Variants in RPS6KC1 observed in about 807,000 individuals in gnomAD.
RPS6KC1 encodes the protein inactive ribosomal protein S6 kinase delta-1.
RPS6KC1 carries 54 observed loss-of-function variants against 103.8 expected under a neutral mutation model. That is an observed-to-expected ratio of 0.52 (90% CI 0.42 to 0.65). The LOEUF is 0.65. RPS6KC1 is among the 30% of genes least tolerant of loss of function. The probability of loss-of-function intolerance (pLI) is 0.00; values close to 1 mark genes in which losing one functional copy is unlikely to be tolerated. For synonymous variants in RPS6KC1, 439 were observed against 438.7 expected (o/e 1.00, Z -0.01); for missense variants, 1,151 against 1,253.8 (o/e 0.92, Z 1.24).
chr1:213,275,989 G>A (rs1266424699), downstream of RPS6KC1, among the ~76,000 whole-genome samples: 1 of 152,158 alleles, frequency 6.6e-6, no homozygotes, highest in Non-Finnish European at 1.5e-5. Context: ...TACCTATTGT[G>A]TTTTGACCTT....
intron 1 of RPS6KC1, among the ~76,000 whole-genome samples, chr1:213,052,780 G>T (rs2077055877): frequency 6.6e-6 from 1 of 152,086 alleles, no homozygotes; most frequent in African/African-American, 2.4e-5. Context: ...GACCTCAGTT[G>T]ATCCGCCTGC....
the RPS6KC1 span, among the ~76,000 whole-genome samples, chr1:213,825,160 G>A: frequency 5.8e-4 from 89 of 152,294 alleles, no homozygotes; most frequent in Admixed American, 1.3e-3. Flanking sequence ...GCTCTGAAGC[G>A]TCAATTAATA....
At chr1:213,285,779 G>T in the RPS6KC1 span, among the ~76,000 whole-genome samples, 1 of 152,030 alleles carries the variant, frequency 6.6e-6, no homozygotes, top group African/African-American at 2.4e-5. Context: ...TGGGGCTTTG[G>T]GGGAAGTAAT....
At chr1:213,686,374 C>T in the RPS6KC1 span, among the ~76,000 whole-genome samples, 1 of 152,122 alleles carries the variant, frequency 6.6e-6, no homozygotes, top group Admixed American at 6.5e-5. Context: ...CTCCTGGTAG[C>T]CTTGCCCTCT....
At chr1:213,135,202 T>C (rs1374181373) in intron 6 of RPS6KC1, among the ~76,000 whole-genome samples, 5 of 152,196 alleles carry the variant, frequency 3.3e-5, no homozygotes, top group African/African-American at 7.2e-5. Context: ...TTCTTTGTTC[T>C]ATTAATGTGG....
At chr1:213,462,736 A>ACC in the RPS6KC1 span, among the ~76,000 whole-genome samples, 1 of 152,224 alleles carries the variant, frequency 6.6e-6, no homozygotes, top group East Asian at 1.9e-4. Flanking sequence ...TACACCACAC[A>ACC]CTGGGGCCTG....
At chr1:213,727,521 A>C in the RPS6KC1 span, among the ~76,000 whole-genome samples, 5 of 152,192 alleles carry the variant, frequency 3.3e-5, no homozygotes, top group Non-Finnish European at 7.3e-5. Context: ...AATAATAAGA[A>C]GTGCTTCTAG....
At chr1:213,103,873 T>C (rs1572543876) in intron 3 of RPS6KC1, among the ~76,000 whole-genome samples, 1 of 152,228 alleles carries the variant, frequency 6.6e-6, no homozygotes, top group Non-Finnish European at 1.5e-5. Flanking sequence ...TTGATCACCT[T>C]GTAAAGCAGA....
the RPS6KC1 span, among the ~76,000 whole-genome samples, chr1:213,395,545 G>A: frequency 6.6e-6 from 1 of 152,136 alleles, no homozygotes; most frequent in Non-Finnish European, 1.5e-5. Context: ...CAGTGAGCTG[G>A]GAGCAAGAGT....
the RPS6KC1 span, among the ~76,000 whole-genome samples, chr1:213,615,125 A>C: frequency 6.6e-6 from 1 of 152,216 alleles, no homozygotes; most frequent in Non-Finnish European, 1.5e-5. Flanking sequence ...AACAATTGCT[A>C]TTTGTGACCT....
chr1:213,068,266 A>G (rs1459275065), intron 1 of RPS6KC1, among the ~76,000 whole-genome samples: 1 of 151,904 alleles, frequency 6.6e-6, no homozygotes, highest in South Asian at 2.1e-4. Context: ...CGGGCAGATC[A>G]CGAGGTCAAG....
At chr1:213,068,871 A>ATG (rs528374829) in intron 1 of RPS6KC1, among the ~76,000 whole-genome samples, 9 of 93,788 alleles carry the variant, frequency 9.6e-5, no homozygotes, top group Admixed American at 7.0e-4. Flanking sequence ...AAAAGTGTAT[A>ATG]TATGTGTGTG....
rs1005012284 is a variant in RPS6KC1 at position 213,259,525 on chromosome 1, T to A, written c.2912-2033T>A. 5.9e-5 allele frequency among the ~76,000 whole-genome samples: 9 copies of A among 152,160 alleles called. No homozygotes were observed. The East Asian group carries it at 1.5e-3, about 26-fold the overall frequency. On this transcript the variant is annotated intron_variant, in intron 12 of 14. Coordinates refer to ENST00000366960, the MANE Select transcript of RPS6KC1 (RefSeq NM_012424.6). ...TTGCAGTGAGCCAAGATTGTGCCAC[T>A]GCACTCCAGCTTGGGCTACAGAGTG... is the stretch of plus-strand genomic sequence containing the variant.
the RPS6KC1 span, among the ~76,000 whole-genome samples, chr1:213,646,861 TTA>T: frequency 7.0e-6 from 1 of 143,764 alleles, no homozygotes; most frequent in Non-Finnish European, 1.5e-5. Context: ...TTGCATCCTA[TTA>T]TATATATATG....
At chr1:213,609,461 G>A in the RPS6KC1 span, among the ~76,000 whole-genome samples, 43 of 152,206 alleles carry the variant, frequency 2.8e-4, no homozygotes, top group African/African-American at 8.9e-4. Context: ...GTCCACACCC[G>A]TGCAAACAGC....
chr1:213,214,404 G>A (rs1265686576), intron 8 of RPS6KC1, among the ~76,000 whole-genome samples: 3 of 152,200 alleles, frequency 2.0e-5, no homozygotes, highest in Non-Finnish European at 4.4e-5. Context: ...GGAGCCCAGC[G>A]CAGCTCAAGG....
At chr1:213,666,669 C>G in the RPS6KC1 span, among the ~76,000 whole-genome samples, 50,241 of 152,142 alleles carry the variant, frequency 0.33, 8,575 homozygotes, top group Middle Eastern at 0.42. Context: ...ACTCCAATTT[C>G]CATGATCACC....
intron 8 of RPS6KC1, among the ~76,000 whole-genome samples, chr1:213,216,519 A>T (rs1022590749): frequency 1.3e-5 from 2 of 152,216 alleles, no homozygotes; most frequent in African/African-American, 4.8e-5. Context: ...CACCAAGTGG[A>T]CCTAATAGAC....
the RPS6KC1 span, among the ~76,000 whole-genome samples, chr1:213,314,977 T>TA: frequency 6.6e-6 from 1 of 152,092 alleles, no homozygotes; most frequent in Non-Finnish European, 1.5e-5. Context: ...GCATAGGTCT[T>TA]AAAAATGGGC....
Sources: allele counts gnomAD v4.1 joint callset (sites outside exome capture counted in the v4.1 genomes callset), GRCh38; gene constraint gnomAD v4.1.1; transcripts MANE v1.5; gene names NCBI Gene and HGNC (gene_info 2026-07-23, HGNC 2026-07-21).